NPAS3: variants seen among roughly 807,000 people sequenced by gnomAD.
The protein encoded by NPAS3 is neuronal PAS domain protein 3.
A neutral mutation model predicts 73.1 loss-of-function variants in NPAS3; 14 were observed. The observed-to-expected ratio is 0.19, with a 90% CI of 0.13 to 0.30. NPAS3 has a LOEUF of 0.30. Ranked by LOEUF, NPAS3 falls within the 10% of genes least tolerant of loss-of-function variation. The pLI is 1.00. For synonymous variants in NPAS3, 620 were observed against 541.5 expected, an observed-to-expected ratio of 1.14 and a Z score of -2.01; for missense variants, 1,096 against 1,250.0, an observed-to-expected ratio of 0.88 and a Z score of 1.86.
chr14:33,022,227 G>A (rs977220662), intron 1 of NPAS3, among the ~76,000 whole-genome samples: 8 of 152,150 alleles, frequency 5.3e-5, no homozygotes, highest in South Asian at 2.1e-4. Context: ...CAGAGATTAC[G>A]AGTCAATATG....
rs10567527 is a variant in NPAS3, at chr14:33,789,583, C to CTTT, written c.1154-4293_1154-4291dup. Among the ~76,000 whole-genome samples, 106 of 92,402 alleles carry CTTT rather than the reference C, an allele frequency of 1.1e-3. 5 individuals carry two copies. The highest frequency in any genetic ancestry group is 1.4e-3 in the South Asian group (3 of 2,150). 60.6% of individuals were successfully genotyped at this position (92,402 alleles called of 152,430 possible). ...ACTAAAAGTAATTACTAGAGTACAA[C>CTTT]TTTTTTTTTTTTTTTTTTTTTTTGA... On this transcript the variant is annotated intron_variant, in intron 9 of 11. Transcript: ENST00000356141.
At chr14:33,251,807 G>T (rs75937205) in intron 3 of NPAS3, among the ~76,000 whole-genome samples, 2,028 of 152,162 alleles carry the variant, frequency 0.013, 10 homozygotes, top group Non-Finnish European at 0.021. Flanking sequence ...TCACAGTTCT[G>T]TGAAGTAGTC....
chr14:33,295,097 G>T (rs369247614), intron 3 of NPAS3, among the ~76,000 whole-genome samples: 16 of 152,296 alleles, frequency 1.1e-4, no homozygotes, highest in South Asian at 6.2e-4. Flanking sequence ...AACCAAGTGT[G>T]TTGTTGGGAT....
At chr14:33,382,190 A>G (rs1050446766) in intron 4 of NPAS3, among the ~76,000 whole-genome samples, 2 of 152,086 alleles carry the variant, frequency 1.3e-5, no homozygotes, top group Non-Finnish European at 2.9e-5. Context: ...TCACTTCTAC[A>G]TGCTGCATTT....
chr14:33,314,548 C>A (rs2043132691), intron 3 of NPAS3, among the ~76,000 whole-genome samples: 1 of 151,972 alleles, frequency 6.6e-6, no homozygotes, highest in Admixed American at 6.6e-5. Context: ...TTTAAAATTA[C>A]TCTTTTCAGT....
chr14:32,941,036 T>C (rs2035970340), intron 1 of NPAS3, among the ~76,000 whole-genome samples: 1 of 152,224 alleles, frequency 6.6e-6, no homozygotes, highest in East Asian at 1.9e-4. Flanking sequence ...ATTTACTTCT[T>C]AAGAAGTATC....
intron 6 of NPAS3, among the ~76,000 whole-genome samples, chr14:33,694,198 G>T (rs1239824169): frequency 1.3e-5 from 2 of 152,108 alleles, no homozygotes; most frequent in Non-Finnish European, 2.9e-5. Context: ...CCCTTGTGGA[G>T]TTCCATGCTA....
intron 2 of NPAS3, among the ~76,000 whole-genome samples, chr14:33,163,227 T>C (rs1249835353): frequency 1.3e-5 from 2 of 152,356 alleles, no homozygotes; most frequent in Non-Finnish European, 2.9e-5. Flanking sequence ...AAAGCATAAA[T>C]CTTGTACAGG....
At chr14:33,785,999 C>G (rs189045306) in intron 9 of NPAS3, among the ~76,000 whole-genome samples, 1 of 152,186 alleles carries the variant, frequency 6.6e-6, no homozygotes, top group South Asian at 2.1e-4. Flanking sequence ...TTCCCCACCA[C>G]CCCACAGCAG....
At chr14:33,614,607 A>C (rs1212484922) in intron 5 of NPAS3, among the ~76,000 whole-genome samples, 1 of 152,176 alleles carries the variant, frequency 6.6e-6, no homozygotes, top group Non-Finnish European at 1.5e-5. Flanking sequence ...TAAGCAGCTT[A>C]AACAGTCCTG....
intron 2 of NPAS3, among the ~76,000 whole-genome samples, chr14:33,127,383 T>C (rs1595505297): frequency 6.6e-6 from 1 of 152,182 alleles, no homozygotes; most frequent in African/African-American, 2.4e-5. Flanking sequence ...ATTGAGAATA[T>C]GTCCTTATTT....
At chr14:33,145,262 T>G (rs1004594391) in intron 2 of NPAS3, among the ~76,000 whole-genome samples, 4 of 152,180 alleles carry the variant, frequency 2.6e-5, no homozygotes, top group Admixed American at 2.0e-4. Flanking sequence ...TGTCTTTCTT[T>G]TCCAATCCCT....
intron 5 of NPAS3, chr14:33,611,100 C>T (rs1595273141): frequency 6.6e-6 from 1 of 152,184 alleles, no homozygotes; most frequent in Non-Finnish European, 1.5e-5. Flanking sequence ...CTTCCTACAT[C>T]GTTAATGTGT....
chr14:33,332,356 C>T (rs1368318895), intron 3 of NPAS3, among the ~76,000 whole-genome samples: 1 of 152,022 alleles, frequency 6.6e-6, no homozygotes, highest in African/African-American at 2.4e-5. Flanking sequence ...TGTAGGCTAC[C>T]AGGATTTATG....
chr14:33,080,507 A>G (rs1186682965), intron 2 of NPAS3, among the ~76,000 whole-genome samples: 2 of 152,246 alleles, frequency 1.3e-5, no homozygotes, highest in Non-Finnish European at 2.9e-5. Flanking sequence ...GTTAAGTGCC[A>G]CAGTGACCAT....
At chr14:32,983,574 T>G (rs2037983405) in intron 1 of NPAS3, among the ~76,000 whole-genome samples, 1 of 152,086 alleles carries the variant, frequency 6.6e-6, no homozygotes, top group African/African-American at 2.4e-5. Flanking sequence ...ATTCTAAAAG[T>G]TTTTGCCAAA....
intron 5 of NPAS3, among the ~76,000 whole-genome samples, chr14:33,588,970 GA>G (rs1423951754): frequency 6.6e-6 from 1 of 152,102 alleles, no homozygotes; most frequent in African/African-American, 2.4e-5. Context: ...ATAGCTGAGG[GA>G]ACACTGTCTT....
At chr14:33,214,298 G>A (rs934077125) in intron 2 of NPAS3, 3 of 152,156 alleles carry the variant, frequency 2.0e-5, no homozygotes, top group African/African-American at 7.2e-5. Context: ...TCTGCCCTCA[G>A]CAATGTGAGC....
At chr14:33,695,106 G>A (rs1446523802) in intron 6 of NPAS3, among the ~76,000 whole-genome samples, 1 of 152,160 alleles carries the variant, frequency 6.6e-6, no homozygotes, top group Non-Finnish European at 1.5e-5. Flanking sequence ...AGGTTCTACT[G>A]CGATGACCTC....
Sources: gnomAD v4.1 joint callset for allele counts (sites outside exome capture counted in the v4.1 genomes callset) on GRCh38, gnomAD v4.1.1 for gene constraint, MANE v1.5 for transcripts, NCBI Gene and HGNC (gene_info 2026-07-23, HGNC 2026-07-21) for gene names.